Variants in PCDHA1 observed in about 807,000 individuals in gnomAD.
PCDHA1 encodes the protein protocadherin alpha 1, also known as protocadherin alpha-1.
In PCDHA1, 42 loss-of-function variants were observed where a neutral mutation model predicts 61.3. The ratio of observed to expected loss-of-function variants is 0.69; its 90% CI spans 0.54 to 0.89. The LOEUF is 0.89. Ranked by LOEUF, PCDHA1 falls within the 40% of genes least tolerant of loss-of-function variation. PCDHA1 has a pLI of 0.00. For missense variants in PCDHA1, 1,256 were observed against 1,235.3 expected, an observed-to-expected ratio of 1.02 and a Z score of -0.25; for synonymous variants, 610 against 553.8, an observed-to-expected ratio of 1.10 and a Z score of -1.43.
Position 140,828,413 on chromosome 5 carries a change from G to A in PCDHA1, c.2394+39729G>A, listed in dbSNP as rs2150155063. ...CGCGGAGTGCAGCATCCACCTGGAG[G>A]TGATCGTGGACAGGCCGCTGCAGGT... is the stretch of plus-strand genomic sequence containing the variant. On this transcript the variant is annotated intron_variant, in intron 1 of 3. Transcript: ENST00000504120. 3.3e-5 allele frequency: 54 copies of A among 1,614,278 alleles called. No homozygotes were observed. The Admixed American group carries it at 8.7e-4, about 26-fold the overall frequency.
intron 1 of PCDHA1, among the ~76,000 whole-genome samples, chr5:140,942,387 G>A (rs1398449068): frequency 1.3e-5 from 2 of 151,808 alleles, no homozygotes; most frequent in Admixed American, 1.3e-4. Context: ...ATTCCAGCCT[G>A]GGCGACAGAT....
chr5:140,893,530 A>G (rs2064036357), intron 1 of PCDHA1, among the ~76,000 whole-genome samples: 1 of 152,056 alleles, frequency 6.6e-6, no homozygotes, highest in South Asian at 2.1e-4. Context: ...TCCTTTAAGT[A>G]TTTCTTGTAG....
chr5:140,871,292 CGT>C (rs781959716), intron 1 of PCDHA1: 2 of 1,613,890 alleles, frequency 1.2e-6, no homozygotes, highest in Non-Finnish European at 1.7e-6. Flanking sequence ...ACTGAGGGCG[CGT>C]GCGCGCCGGG....
At chr5:140,883,773 G>C (rs1362933627) in intron 1 of PCDHA1, 11 of 1,612,372 alleles carry the variant, frequency 6.8e-6, no homozygotes, top group Non-Finnish European at 9.3e-6. Context: ...GTGGGCGAGC[G>C]TGCGCTGTCG....
intron 1 of PCDHA1, among the ~76,000 whole-genome samples, chr5:140,874,456 A>T (rs1554167207): frequency 6.6e-6 from 1 of 152,236 alleles, no homozygotes; most frequent in Non-Finnish European, 1.5e-5. Flanking sequence ...AATGACCTGT[A>T]GGGGAAGATT....
chr5:140,823,421 C>A (rs2150125700), intron 1 of PCDHA1: 2 of 1,613,278 alleles, frequency 1.2e-6, no homozygotes, highest in South Asian at 1.1e-5. Context: ...AGCAACGTGA[C>A]GCTGCAGGTG....
At chr5:140,835,695 A>G (rs2150242144) in intron 1 of PCDHA1, 2 of 1,613,712 alleles carry the variant, frequency 1.2e-6, no homozygotes, top group South Asian at 2.2e-5. Context: ...TCTGTGGGCC[A>G]CTGCTAGCGT....
intron 1 of PCDHA1, chr5:140,877,895 G>T (rs1554170219): frequency 1.4e-6 from 2 of 1,447,634 alleles, no homozygotes; most frequent in South Asian, 3.1e-5. Context: ...TTCCGTTTAG[G>T]TTATAACTAC....
At chr5:140,818,484 A>T (rs1766371923) in intron 1 of PCDHA1, among the ~76,000 whole-genome samples, 1 of 152,164 alleles carries the variant, frequency 6.6e-6, no homozygotes, top group Non-Finnish European at 1.5e-5. Context: ...GTTTTCACTC[A>T]CTTGATCTTG....
At chr5:140,906,963 G>C (rs150934602) in intron 1 of PCDHA1, among the ~76,000 whole-genome samples, 2 of 152,216 alleles carry the variant, frequency 1.3e-5, no homozygotes, top group African/African-American at 4.8e-5. Context: ...TAATGGAATC[G>C]TGGTTGTGTC....
chr5:140,842,420 A>G, intron 1 of PCDHA1: 2 of 1,613,364 alleles, frequency 1.2e-6, no homozygotes, highest in Non-Finnish European at 1.7e-6. Context: ...TCAATTTGGT[A>G]CTGTCATCGC....
intron 1 of PCDHA1, among the ~76,000 whole-genome samples, chr5:140,878,501 C>T (rs186968165): frequency 5.9e-5 from 9 of 152,226 alleles, no homozygotes; most frequent in Admixed American, 2.0e-4. Flanking sequence ...ACCATCTGTA[C>T]GATACAGTAC....
chr5:140,967,636 T>G, intron 1 of PCDHA1: 2 of 1,614,138 alleles, frequency 1.2e-6, no homozygotes, highest in Non-Finnish European at 1.7e-6. Context: ...GCTCCAATGG[T>G]GAGCTCAGGT....
At position 140,786,382 on chromosome 5, in the gene PCDHA1, T is replaced by A; in HGVS notation, c.92T>A (p.Leu31His). 6.2e-7 allele frequency: 1 copy of A among 1,613,700 alleles called. No homozygotes were observed. The change falls in exon 1 of 4, where the codon CTC (leucine) becomes CAC (histidine). Residue 31 changes from leucine (L) to histidine (H), a missense_variant. Coordinates refer to ENST00000504120, the MANE Select transcript of PCDHA1 (RefSeq NM_018900.4). The part of the protein sequence containing the change: ...LAAWEVGSGQ[L>H]HYSIPEEAKH... ...GCCTGGGAGGTGGGGAGCGGCCAGC[T>A]CCACTACTCGATCCCGGAGGAAGCC...
intron 1 of PCDHA1, chr5:140,809,983 A>T (rs1554125393): frequency 6.3e-6 from 1 of 158,314 alleles, no homozygotes; most frequent in East Asian, 1.9e-4. Flanking sequence ...CCTCGCATGC[A>T]CCTGCCAAAT....
Position 140,913,941 on chromosome 5 carries a change from C to T in PCDHA1, c.2395-65008C>T, listed in dbSNP as rs950871389. ...TACTTCATTGTGGTCAGAGAAGAAT[C>T]TTGATATGATATCATTTTTAAAAAA... On this transcript the variant is annotated intron_variant, in intron 1 of 3. Transcript: ENST00000504120. Among the ~76,000 whole-genome samples, 3 of 152,102 alleles carry T rather than the reference C, an allele frequency of 2.0e-5. No homozygotes were observed. In the East Asian group the frequency reaches 5.8e-4, roughly 29 times the overall value.
At chr5:140,922,316 A>G (rs983729529) in intron 1 of PCDHA1, among the ~76,000 whole-genome samples, 5 of 152,248 alleles carry the variant, frequency 3.3e-5, no homozygotes, top group Middle Eastern at 3.2e-3. Context: ...TTCACTGAAG[A>G]TCTTGGAAAG....
At chr5:140,869,134 A>T (rs781973798) in intron 1 of PCDHA1, 3 of 1,612,182 alleles carry the variant, frequency 1.9e-6, no homozygotes, top group Non-Finnish European at 2.5e-6. Context: ...GGGATTGGGC[A>T]CCCCACGACT....
intron 1 of PCDHA1, chr5:140,803,587 C>T (rs782182345): frequency 3.1e-6 from 5 of 1,614,056 alleles, no homozygotes; most frequent in African/African-American, 2.7e-5. Context: ...GATCTCTCAG[C>T]CAAAGTGAGT....
Sources: gnomAD v4.1 joint callset for allele counts (sites outside exome capture counted in the v4.1 genomes callset) on GRCh38, gnomAD v4.1.1 for gene constraint, MANE v1.5 for transcripts, NCBI Gene and HGNC (gene_info 2026-07-23, HGNC 2026-07-21) for gene names.